CHDH: variants seen among roughly 807,000 people sequenced by gnomAD.
The protein encoded by CHDH is choline dehydrogenase, mitochondrial.
Under a neutral mutation model 56.9 loss-of-function variants are expected in CHDH, and 43 were observed. The ratio of observed to expected loss-of-function variants is 0.76; its 90% confidence interval spans 0.59 to 0.97. CHDH has a LOEUF of 0.97. Among genes scored for constraint, CHDH ranks in the 50% least tolerant of loss-of-function variants. The probability of loss-of-function intolerance (pLI) is 0.00; values close to 1 mark genes in which losing one functional copy is unlikely to be tolerated. For synonymous variants in CHDH, 364 were observed against 348.5 expected (o/e 1.04, Z -0.50); for missense variants, 816 against 821.1 (o/e 0.99, Z 0.08).
chr3:53,815,978 C>T lies in CHDH; in HGVS notation c.*1799G>A, dbSNP rs11130381. 0.47 allele frequency: 71,366 copies of T among 151,724 alleles called. 17,581 individuals carry two copies. Among genetic ancestry groups the T allele is most frequent in the South Asian group, 0.59 (2,812 of 4,786 alleles). 9.4% of individuals were successfully genotyped at this position (151,724 alleles called of 1,614,324 possible). ...AGTCTCTTGGCCGGTTTAGAATTTT[C>T]TTTCTTGACCCTCTCTTCGAACAAA... is the stretch of plus-strand genomic sequence containing the variant. On this transcript the variant is annotated 3_prime_UTR_variant, in exon 9 of 9. Transcript: ENST00000315251.
chr3:53,817,967 G>A lies in CHDH; in HGVS notation c.1595C>T (p.Thr532Ile), dbSNP rs1210400347. ...GAGGTTTTCCACCCCGAGGACCCTT[G>A]TCTGCGGATCCACCACGGCAGTGGG... ...SDPTAVVDPQTRVLGVENLRV... is the reference protein window; with the variant it reads ...SDPTAVVDPQIRVLGVENLRV... The change falls in exon 9 of 9, where the codon ACA (threonine) becomes ATA (isoleucine). Residue 532 changes from threonine to isoleucine, a missense_variant. Coordinates refer to ENST00000315251, the MANE Select transcript of CHDH (RefSeq NM_018397.5). 6.2e-7 allele frequency: 1 copy of A among 1,614,208 alleles called. No homozygotes were observed. The highest frequency in any genetic ancestry group is 2.2e-5 in the East Asian group (1 of 44,882).
chr3:53,829,933 T>G (rs1460251506), intron 2 of CHDH, among the ~76,000 whole-genome samples: 1 of 152,208 alleles, frequency 6.6e-6, no homozygotes, highest in African/African-American at 2.4e-5. Context: ...CAACTTTGGG[T>G]GGTGGGGGGT....
chr3:53,822,294 C>T (rs1189481598), intron 4 of CHDH, among the ~76,000 whole-genome samples, 197 bp downstream of exon 4: 1 of 151,978 alleles, frequency 6.6e-6, no homozygotes, highest in Admixed American at 6.6e-5. Flanking sequence ...CACCATAGGC[C>T]CTTTCTCGGT....
chr3:53,836,737 C>G (rs1324560619), intron 2 of CHDH, among the ~76,000 whole-genome samples: 1 of 152,208 alleles, frequency 6.6e-6, no homozygotes, highest in Admixed American at 6.5e-5. Context: ...TACAGCAAAC[C>G]CAACCTGCGC....
At position 53,835,280 on chromosome 3, in the gene CHDH, C is replaced by T. The variant is rs1014116022; in HGVS notation, c.-60+5649G>A. ...CCTGTTAACACATTTAAAAAGTGGC[C>T]ACCATAGCCCATTGTGGACAAGGCT... On this transcript the variant is annotated intron_variant, in intron 2 of 8. Coordinates refer to ENST00000315251, the MANE Select transcript of CHDH (RefSeq NM_018397.5). Among the ~76,000 whole-genome samples the T allele has an allele frequency of 1.3e-5, 2 of 152,232 alleles. 1 individual carries two copies. The highest frequency in any genetic ancestry group is 1.3e-4 in the Admixed American group (2 of 15,288).
intron 2 of CHDH, among the ~76,000 whole-genome samples, chr3:53,835,753 C>A (rs1698474059): frequency 6.6e-6 from 1 of 152,164 alleles, no homozygotes; most frequent in African/African-American, 2.4e-5. Context: ...GAGCAGCTAC[C>A]CCTGCTGAGC....
At chr3:53,820,351 G>T (rs2095623811) in intron 6 of CHDH, 123 bp downstream of exon 6, 1 of 1,207,064 alleles carries the variant, frequency 8.3e-7, no homozygotes. Flanking sequence ...GAGGCTCAGG[G>T]CTAAGGTAAA....
chr3:53,820,910 G>T (rs1241048426), intron 5 of CHDH, among the ~76,000 whole-genome samples: 1 of 152,332 alleles, frequency 6.6e-6, no homozygotes, highest in East Asian at 1.9e-4. Flanking sequence ...CAGGGCCTAC[G>T]CCTTCAGCAG....
chr3:53,815,822 G>A lies in CHDH; in HGVS notation c.*1955C>T, dbSNP rs553587101. On this transcript the variant is annotated 3_prime_UTR_variant, in exon 9 of 9. Transcript: ENST00000315251. The stretch of plus-strand genomic sequence containing the variant: ...ACGCTCCAGCAGGAAAGCTGCACGA[G>A]GCCCTCCAAGTTACGGGGCTGGCAC... 2 of 152,410 alleles carry A rather than the reference G, an allele frequency of 1.3e-5. No individual in the cohort carries two copies. The highest frequency in any genetic ancestry group is 3.9e-4 in the East Asian group (2 of 5,184). The allele number at this position is 152,410 out of a possible 1,614,324, so 9.4% of individuals were successfully genotyped here.
At chr3:53,829,270 G>C (rs1430923954) in intron 2 of CHDH, among the ~76,000 whole-genome samples, 1 of 152,140 alleles carries the variant, frequency 6.6e-6, no homozygotes, top group Non-Finnish European at 1.5e-5. Flanking sequence ...AGGCCACAAA[G>C]GATTTTTAGG....
chr3:53,837,593 A>T (rs1035805858), intron 2 of CHDH, among the ~76,000 whole-genome samples: 1 of 152,180 alleles, frequency 6.6e-6, no homozygotes, highest in African/African-American at 2.4e-5. Flanking sequence ...CCTCTGAAGT[A>T]AGTCTGCCCT....
rs2095618426 is a variant in CHDH, at chr3:53,817,819, A to G, written c.1743T>C (p.Asp581=). ...IKGQPALWDK[D]VPVYKPRTLA... is the part of the protein sequence containing the mutation. The stretch of plus-strand genomic sequence containing the variant: ...GCGTCCTGGGCTTGTAGACAGGGAC[A>G]TCTTTGTCCCAGAGTGCAGGCTGCC... Residue 581 remains aspartate, a synonymous_variant, in exon 9 of 9, where the codon GAT becomes GAC. Transcript: ENST00000315251. The G allele has an allele frequency of 1.2e-6, 2 of 1,613,408 alleles. No homozygotes were observed. The highest frequency in any genetic ancestry group is 1.7e-5 in the Admixed American group (1 of 59,972).
Position 53,819,767 on chromosome 3 carries a change from C to T in CHDH, c.1121-93G>A. 2.8e-6 allele frequency: 4 copies of T among 1,414,018 alleles called. No homozygotes were observed. Among genetic ancestry groups the T allele is most frequent in the Non-Finnish European group, 3.8e-6 (4 of 1,063,010 alleles). 87.6% of individuals were successfully genotyped at this position (1,414,018 alleles called of 1,614,324 possible). ...GTTTCCCTCCTTTCTCCTGGCCGCT[C>T]CTCTTCCTTTTCCCGGACTCCACTC... On this transcript the variant is annotated intron_variant, in intron 6 of 8. Transcript: ENST00000315251. This position sits in a 1 kb window ranked among gnomAD's most constrained non-coding sequence, Gnocchi z 5.4.
chr3:53,821,182 G>T (rs546374729), intron 5 of CHDH, among the ~76,000 whole-genome samples: 1 of 152,226 alleles, frequency 6.6e-6, no homozygotes, highest in Admixed American at 6.5e-5. Context: ...GACAGAGCCC[G>T]ACCCTCAAGA....
At chr3:53,838,879 G>C (rs1308854909) in intron 2 of CHDH, among the ~76,000 whole-genome samples, 1 of 152,154 alleles carries the variant, frequency 6.6e-6, no homozygotes, top group African/African-American at 2.4e-5. Flanking sequence ...ATAAGGATGA[G>C]GCTGGTGCTG....
At chr3:53,843,689 C>G (rs747571247) in intron 1 of CHDH, among the ~76,000 whole-genome samples, 3 of 152,038 alleles carry the variant, frequency 2.0e-5, no homozygotes, top group South Asian at 2.1e-4. Context: ...AAAGCCCCCC[C>G]GGACAGGAAG....
rs767498767 is a variant in CHDH, at chr3:53,821,740, C to T, written c.892G>A (p.Ala298Thr). 6.2e-7 allele frequency: 1 copy of T among 1,614,012 alleles called. No individual in the cohort carries two copies. The highest frequency in any genetic ancestry group is 1.1e-5 in the South Asian group (1 of 91,078). ...ATGAGCAGCTGTGGAGAGTTGATGG[C>T]ACCTCCACTCAGAATCACCTCCTTG... ...ASKEVILSGG[A>T]INSPQLLMLS... The change falls in exon 5 of 9, where the codon GCC (alanine) becomes ACC (threonine). Residue 298 changes from alanine (A) to threonine (T), a missense_variant. Ala to Thr is a moderately conservative substitution (Grantham distance 58). Coordinates refer to ENST00000315251, the MANE Select transcript of CHDH (RefSeq NM_018397.5).
At chr3:53,829,353 T>C (rs1480931900) in intron 2 of CHDH, among the ~76,000 whole-genome samples, 1 of 152,214 alleles carries the variant, frequency 6.6e-6, no homozygotes, top group Non-Finnish European at 1.5e-5. Context: ...GAATGTGCAA[T>C]ACCAAGAGTG....
At chr3:53,826,612 G>C (rs142288787) in intron 2 of CHDH, among the ~76,000 whole-genome samples, 1 of 151,606 alleles carries the variant, frequency 6.6e-6, no homozygotes, top group East Asian at 1.9e-4. Context: ...TCCCCAACTT[G>C]GTAAAGAATA....
Sources: allele counts gnomAD v4.1 joint callset (sites outside exome capture counted in the v4.1 genomes callset), GRCh38; gene constraint gnomAD v4.1.1; non-coding constraint Gnocchi (gnomAD v3.1); transcripts MANE v1.5; gene names NCBI Gene and HGNC (gene_info 2026-07-23, HGNC 2026-07-21).